NEDD4L: variants seen among roughly 807,000 people sequenced by gnomAD.
NEDD4L encodes the protein NEDD4 like E3 ubiquitin protein ligase.
In NEDD4L, 54 loss-of-function variants were observed where a neutral mutation model predicts 148.9. That is an observed-to-expected ratio of 0.36 (90% CI 0.29 to 0.45). The LOEUF is 0.45. Ranked by LOEUF, NEDD4L falls within the 20% of genes least tolerant of loss-of-function variation. The pLI is 1.00. For synonymous variants in NEDD4L, 433 were observed against 440.7 expected (o/e 0.98, Z 0.22); for missense variants, 856 against 1,233.8 (o/e 0.69, Z 4.59).
rs185144450 is a variant in NEDD4L, at chr18:58,107,646, G to C, written c.49-58142G>C. Among the ~76,000 whole-genome samples, 4 of 151,996 alleles carry C rather than the reference G, an allele frequency of 2.6e-5. 1 individual carries two copies. Among genetic ancestry groups the C allele is most frequent in the Admixed American group, 2.6e-4 (4 of 15,294 alleles). ...AGGTGGGAGGATCACTGGAGCCTGG[G>C]AAGTCAAGTCTGCAGTGAGCAAAGA... On this transcript the variant is annotated intron_variant, in intron 1 of 30. Coordinates refer to ENST00000400345, the MANE Select transcript of NEDD4L (RefSeq NM_001144967.3).
chr18:58,195,374 C>T, intron 2 of NEDD4L: 2 of 1,195,728 alleles, frequency 1.7e-6, no homozygotes, highest in African/African-American at 3.1e-5. Flanking sequence ...ATTGGCTCTG[C>T]TGCCTCTGAT....
At position 58,166,975 on chromosome 18, in the gene NEDD4L, T is replaced by A. The variant is rs6566940; in HGVS notation, c.122+1114T>A. The stretch of plus-strand genomic sequence containing the variant: ...ACGCCTCTATTTTCTCACCTGTGAT[T>A]GATCATGCATGATTGAGTTTTGTCT... On this transcript the variant is annotated intron_variant, in intron 2 of 30. Transcript: ENST00000400345. 8.7e-3 allele frequency among the ~76,000 whole-genome samples: 1,323 copies of A among 152,324 alleles called. 11 individuals carry two copies. The highest frequency in any genetic ancestry group is 0.03 in the African/African-American group (1,253 of 41,556).
intron 1 of NEDD4L, chr18:58,054,694 G>A (rs1306111902): frequency 1.3e-5 from 2 of 152,210 alleles, no homozygotes; most frequent in African/African-American, 4.8e-5. Context: ...GTGACAATTG[G>A]ATGCAGCCGT....
intron 1 of NEDD4L, among the ~76,000 whole-genome samples, chr18:58,139,729 G>A (rs2033277618): frequency 6.6e-6 from 1 of 152,162 alleles, no homozygotes; most frequent in Non-Finnish European, 1.5e-5. Flanking sequence ...TGTGCCTGAG[G>A]AGCCTGACTT....
intron 1 of NEDD4L, among the ~76,000 whole-genome samples, chr18:58,144,753 G>A (rs1485011935): frequency 6.6e-6 from 1 of 152,164 alleles, no homozygotes; most frequent in Non-Finnish European, 1.5e-5. Context: ...TCATGTTTTA[G>A]TGTGTCTACA....
chr18:58,119,203 C>T (rs2086062874), intron 1 of NEDD4L, among the ~76,000 whole-genome samples: 1 of 152,192 alleles, frequency 6.6e-6, no homozygotes, highest in Non-Finnish European at 1.5e-5. Flanking sequence ...CCCCATCTTT[C>T]CCTTCTGTTC....
At chr18:58,098,439 G>T (rs192759685) in intron 1 of NEDD4L, among the ~76,000 whole-genome samples, 1 of 152,138 alleles carries the variant, frequency 6.6e-6, no homozygotes, top group Non-Finnish European at 1.5e-5. Context: ...GCCTTTGATC[G>T]TGGAGCGCCA....
intron 6 of NEDD4L, among the ~76,000 whole-genome samples, 185 bp downstream of exon 6, chr18:58,316,217 T>C (rs934978732): frequency 6.6e-6 from 1 of 152,196 alleles, no homozygotes; most frequent in African/African-American, 2.4e-5. Context: ...AGAAGCTGGC[T>C]GTAAGAGTAG....
At chr18:58,047,416 A>G in intron 1 of NEDD4L, 1 of 985,322 alleles carries the variant, frequency 1.0e-6, no homozygotes, top group African/African-American at 1.7e-5. Context: ...CTGATGATGA[A>G]GCATTGCATG....
chr18:58,185,422 A>G (rs113657428), intron 2 of NEDD4L, among the ~76,000 whole-genome samples: 20 of 152,336 alleles, frequency 1.3e-4, no homozygotes, highest in African/African-American at 4.1e-4. Context: ...GAATGACCAC[A>G]CTGATGAATA....
chr18:58,256,129 G>A lies in NEDD4L; in HGVS notation c.297+4075G>A. 8.2e-7 allele frequency: 1 copy of A among 1,225,666 alleles called. No homozygotes were observed. Among genetic ancestry groups the A allele is most frequent in the Non-Finnish European group, 1.0e-6 (1 of 984,116 alleles). The allele number at this position is 1,225,666 out of a possible 1,614,324, so 75.9% of individuals were successfully genotyped here. On this transcript the variant is annotated intron_variant, in intron 5 of 30. Transcript: ENST00000400345. This position sits in a 1 kb window ranked among gnomAD's most constrained non-coding sequence, Gnocchi z 5.2. ...CTCCGAGGGCAGCCCGGGACCCAGG[G>A]CTCCAGGTCAACGGCACGTGCGGCC...
chr18:58,287,838 G>A (rs2054161254), intron 5 of NEDD4L, among the ~76,000 whole-genome samples: 1 of 152,126 alleles, frequency 6.6e-6, no homozygotes, highest in African/African-American at 2.4e-5. Context: ...AATAAGCAAG[G>A]AGCAGAGTCC....
intron 24 of NEDD4L, among the ~76,000 whole-genome samples, chr18:58,379,927 C>T (rs1047985160): frequency 5.3e-5 from 8 of 151,956 alleles, no homozygotes; most frequent in Non-Finnish European, 8.8e-5. Flanking sequence ...CTGTGCCCAT[C>T]CTTGGGCCCT....
Position 58,348,320 on chromosome 18 carries a change from T to G in NEDD4L, c.1576-1217T>G, listed in dbSNP as rs1227138158. Among the ~76,000 whole-genome samples, 7 of 135,650 alleles carry G rather than the reference T, an allele frequency of 5.2e-5. 1 individual carries two copies. In the Admixed American group the frequency reaches 5.2e-4, roughly 10 times the overall value. 89.0% of individuals were successfully genotyped at this position (135,650 alleles called of 152,430 possible). On this transcript the variant is annotated intron_variant, in intron 16 of 30. Coordinates refer to ENST00000400345, the MANE Select transcript of NEDD4L (RefSeq NM_001144967.3). The stretch of plus-strand genomic sequence containing the variant: ...GCCTTACACTGCATTTCTTTTTCTT[T>G]TTTTTCTTTTTTTTTTTTTTTTTTT...
At chr18:58,201,966 A>G (rs2041464883) in intron 2 of NEDD4L, among the ~76,000 whole-genome samples, 2 of 152,120 alleles carry the variant, frequency 1.3e-5, no homozygotes, top group African/African-American at 4.8e-5. Context: ...TTATTCTCAG[A>G]CTTGTCCATT....
intron 26 of NEDD4L, among the ~76,000 whole-genome samples, chr18:58,386,999 T>G (rs1479649326): frequency 6.6e-6 from 1 of 152,204 alleles, no homozygotes; most frequent in Non-Finnish European, 1.5e-5. Flanking sequence ...ACCTGGGAAC[T>G]GGAGCATGGT....
intron 9 of NEDD4L, among the ~76,000 whole-genome samples, chr18:58,326,744 A>G (rs1432204451): frequency 6.6e-6 from 1 of 152,230 alleles, no homozygotes; most frequent in African/African-American, 2.4e-5. Context: ...GTATATGGAA[A>G]AATATTCAAC....
chr18:58,176,816 G>T (rs140777049), intron 2 of NEDD4L, among the ~76,000 whole-genome samples: 4 of 152,164 alleles, frequency 2.6e-5, no homozygotes, highest in Non-Finnish European at 5.9e-5. Context: ...TCTTGCCCTC[G>T]TTTTCTTCAG....
chr18:58,203,754 T>A (rs2041685517), intron 2 of NEDD4L, among the ~76,000 whole-genome samples: 1 of 152,046 alleles, frequency 6.6e-6, no homozygotes, highest in Non-Finnish European at 1.5e-5. Flanking sequence ...TGGTAGTTGA[T>A]CTCTCAGACA....
Sources: allele counts gnomAD v4.1 joint callset (sites outside exome capture counted in the v4.1 genomes callset), GRCh38; gene constraint gnomAD v4.1.1; non-coding constraint Gnocchi (gnomAD v3.1); transcripts MANE v1.5; gene names NCBI Gene and HGNC (gene_info 2026-07-23, HGNC 2026-07-21).